COL13A1: variants seen among roughly 807,000 people sequenced by gnomAD.
The protein encoded by COL13A1 is collagen type XIII alpha 1 chain.
Under a neutral mutation model 130.9 loss-of-function variants are expected in COL13A1, and 89 were observed. The observed-to-expected ratio is 0.68, with a 90% CI of 0.57 to 0.81. The LOEUF (loss-of-function observed/expected upper bound fraction) is 0.81, where lower values mean the gene tolerates loss of function less well. COL13A1 is among the 30% of genes least tolerant of loss of function. COL13A1 has a pLI of 0.00. For missense variants in COL13A1, 879 were observed against 934.6 expected, an observed-to-expected ratio of 0.94 and a Z score of 0.78; for synonymous variants, 402 against 341.6, an observed-to-expected ratio of 1.18 and a Z score of -1.95.
At chr10:69,936,939 G>A (rs1256649569) in intron 33 of COL13A1, among the ~76,000 whole-genome samples, 157 bp downstream of exon 33, 1 of 152,178 alleles carries the variant, frequency 6.6e-6, no homozygotes, top group Non-Finnish European at 1.5e-5. Flanking sequence ...ATTCCCTTTA[G>A]CATCCATCAT....
At chr10:69,891,453 G>A (rs1239309513) in intron 10 of COL13A1, among the ~76,000 whole-genome samples, 1 of 152,174 alleles carries the variant, frequency 6.6e-6, no homozygotes, top group Non-Finnish European at 1.5e-5. Context: ...CCGGAGGAAG[G>A]GCACTGGAGG....
intron 2 of COL13A1, among the ~76,000 whole-genome samples, chr10:69,851,423 C>T (rs796273709): frequency 3.9e-5 from 6 of 152,286 alleles, no homozygotes; most frequent in African/African-American, 1.4e-4. Flanking sequence ...TGGCCCCTGC[C>T]TTCCTTTCCT....
At chr10:69,878,640 C>T (rs1049300611) in intron 6 of COL13A1, among the ~76,000 whole-genome samples, 1 of 152,242 alleles carries the variant, frequency 6.6e-6, no homozygotes, top group African/African-American at 2.4e-5. Context: ...TGCCACCACA[C>T]CCAGCTAATT....
At chr10:69,842,188 T>C (rs1479138142) in intron 2 of COL13A1, among the ~76,000 whole-genome samples, 2 of 152,188 alleles carry the variant, frequency 1.3e-5, no homozygotes, top group African/African-American at 4.8e-5. Context: ...TGGTAATGAA[T>C]AAGTCTCGTG....
At chr10:69,926,741 G>A (rs2065413745) in intron 26 of COL13A1, among the ~76,000 whole-genome samples, 1 of 152,224 alleles carries the variant, frequency 6.6e-6, no homozygotes, top group South Asian at 2.1e-4. Context: ...AGGGTCCTCA[G>A]AAGGTGACTA....
At chr10:69,949,965 C>CAT (rs1565161392) in intron 38 of COL13A1, among the ~76,000 whole-genome samples, 9 of 87,620 alleles carry the variant, frequency 1.0e-4, no homozygotes, top group Admixed American at 8.4e-4. Flanking sequence ...TTTGTGTGTG[C>CAT]GTGTGTGTGT....
intron 34 of COL13A1, among the ~76,000 whole-genome samples, chr10:69,940,326 T>A (rs1000619229): frequency 2.0e-5 from 3 of 152,216 alleles, no homozygotes; most frequent in Admixed American, 2.0e-4. Context: ...TGGGAGCATA[T>A]GAATGGATCG....
intron 20 of COL13A1, 30 bp from the exon 21 acceptor site, chr10:69,919,635 T>C (rs745832762): frequency 2.1e-4 from 85 of 398,638 alleles, no homozygotes; most frequent in Middle Eastern, 1.2e-3. Flanking sequence ...CCCATCTTCT[T>C]ATCAGTGACT....
At chr10:69,902,473 GC>G (rs894337593) in intron 14 of COL13A1, among the ~76,000 whole-genome samples, 2 of 152,004 alleles carry the variant, frequency 1.3e-5, no homozygotes, top group South Asian at 4.1e-4. Flanking sequence ...CTCTGCCTCT[GC>G]CCCCCCGCAG....
At chr10:69,875,579 G>A (rs906583493) in intron 5 of COL13A1, among the ~76,000 whole-genome samples, 2 of 152,022 alleles carry the variant, frequency 1.3e-5, no homozygotes, top group Non-Finnish European at 2.9e-5. Flanking sequence ...GGGTTCCCAG[G>A]GGCCTTCTCT....
At chr10:69,949,443 A>G (rs2069046565) in intron 38 of COL13A1, among the ~76,000 whole-genome samples, 1 of 152,282 alleles carries the variant, frequency 6.6e-6, no homozygotes, top group Non-Finnish European at 1.5e-5. Flanking sequence ...TCGGCTCCCA[A>G]AGTGCTGGAA....
In COL13A1 at chr10:69,923,782, A is replaced by T. The variant is rs745438391; in HGVS notation, c.1231-20A>T. 2 of 1,606,356 alleles carry T rather than the reference A, an allele frequency of 1.2e-6. No homozygotes were observed. ...CAGGTGCCCAGCATGCCCTCATCCCAACTCTCTCCTCTTCCCCAGGGAGAA... is the reference window on the plus strand; with the variant it reads ...CAGGTGCCCAGCATGCCCTCATCCCTACTCTCTCCTCTTCCCCAGGGAGAA... On this transcript the variant is annotated intron_variant, in intron 23 of 40. Transcript: ENST00000645393.
At chr10:69,845,670 C>T (rs922310421) in intron 2 of COL13A1, among the ~76,000 whole-genome samples, 32 of 152,196 alleles carry the variant, frequency 2.1e-4, no homozygotes, top group African/African-American at 7.7e-4. Flanking sequence ...CACAAGGTCC[C>T]TGCATCCCTC....
chr10:69,936,180 AG>A (rs1365286600), intron 32 of COL13A1, among the ~76,000 whole-genome samples: 12 of 91,008 alleles, frequency 1.3e-4, no homozygotes, highest in Admixed American at 1.1e-3. Flanking sequence ...AAGGAAGGAA[AG>A]GAAAGGAAGG....
At chr10:69,944,248 G>A in intron 36 of COL13A1, 70 bp downstream of exon 36, 1 of 1,302,208 alleles carries the variant, frequency 7.7e-7, no homozygotes, top group Non-Finnish European at 1.1e-6. Flanking sequence ...AACACCAGGG[G>A]TCTCAGCCCT....
intron 2 of COL13A1, among the ~76,000 whole-genome samples, chr10:69,852,207 G>T (rs887746416): frequency 6.6e-5 from 10 of 151,988 alleles, no homozygotes; most frequent in Non-Finnish European, 1.2e-4. Flanking sequence ...TTCCAGCCCC[G>T]TCTACTATAT....
chr10:69,941,150 G>A (rs1158206727), intron 35 of COL13A1, 127 bp downstream of exon 35: 5 of 1,494,160 alleles, frequency 3.3e-6, no homozygotes, highest in Non-Finnish European at 4.6e-6. Context: ...TCCGACACCA[G>A]AAAGGTGCCA....
chr10:69,894,601 TC>T (rs766049967), intron 11 of COL13A1, 23 bp downstream of exon 11: 1 of 1,614,008 alleles, frequency 6.2e-7, no homozygotes, highest in Non-Finnish European at 8.5e-7. Context: ...TCCATCTATT[TC>T]CCAGCAGAGA....
chr10:69,952,980 T>C lies in COL13A1; in HGVS notation c.2145+12T>C. ...CCCCCTGCCCATTGGTATGTTTTTG[T>C]TTATCACTTGCATTGTTCTGGTTTT... is the stretch of plus-strand genomic sequence containing the variant. On this transcript the variant is annotated intron_variant, in intron 39 of 40. Coordinates refer to ENST00000645393, the MANE Select transcript of COL13A1 (RefSeq NM_001368882.1). 6.6e-7 allele frequency: 1 copy of C among 1,509,394 alleles called. No homozygotes were observed. Among genetic ancestry groups the C allele is most frequent in the Non-Finnish European group, 8.8e-7 (1 of 1,135,534 alleles). The allele number at this position is 1,509,394 out of a possible 1,614,324, so 93.5% of individuals were successfully genotyped here.
Sources: gnomAD v4.1 joint callset for allele counts (sites outside exome capture counted in the v4.1 genomes callset) on GRCh38, gnomAD v4.1.1 for gene constraint, MANE v1.5 for transcripts, NCBI Gene and HGNC (gene_info 2026-07-23, HGNC 2026-07-21) for gene names.